Variants in OSBPL10 observed in about 807,000 individuals in gnomAD.
The protein encoded by OSBPL10 is oxysterol-binding protein-related protein 10.
Under a neutral mutation model 81.7 loss-of-function variants are expected in OSBPL10, and 49 were observed. That is an observed-to-expected ratio of 0.60 (90% CI 0.48 to 0.76). The LOEUF (loss-of-function observed/expected upper bound fraction) is 0.76. Among genes scored for constraint, OSBPL10 ranks in the 30% least tolerant of loss-of-function variants. The pLI, the probability that OSBPL10 is intolerant of heterozygous loss-of-function variation, is 0.00. For synonymous variants in OSBPL10, 419 were observed against 383.6 expected (o/e 1.09, Z -1.08); for missense variants, 923 against 987.8 (o/e 0.93, Z 0.88).
chr3:31,781,374 T>C (rs1033265110), intron 4 of OSBPL10, among the ~76,000 whole-genome samples: 1 of 152,130 alleles, frequency 6.6e-6, no homozygotes, highest in Non-Finnish European at 1.5e-5. Flanking sequence ...TGGGGGAAAG[T>C]TGAAAGCATT....
chr3:31,813,012 CAT>C (rs1699748841), intron 4 of OSBPL10, among the ~76,000 whole-genome samples: 2 of 152,088 alleles, frequency 1.3e-5, no homozygotes, highest in South Asian at 4.2e-4. Flanking sequence ...GCATAAGTCA[CAT>C]ATTATGTGTT....
chr3:31,874,749 G>A (rs1701408856), intron 3 of OSBPL10, among the ~76,000 whole-genome samples: 1 of 152,130 alleles, frequency 6.6e-6, no homozygotes, highest in African/African-American at 2.4e-5. Flanking sequence ...TACAGAACTG[G>A]TGGGAGTACA....
At chr3:31,732,500 C>G (rs535790754) in intron 6 of OSBPL10, 3 of 152,292 alleles carry the variant, frequency 2.0e-5, no homozygotes, top group Admixed American at 1.3e-4. Flanking sequence ...TTAAAGGAGG[C>G]CTCCGCCAGT....
intron 2 of OSBPL10, among the ~76,000 whole-genome samples, chr3:32,030,843 A>G (rs186320985): frequency 6.6e-6 from 1 of 152,344 alleles, no homozygotes; most frequent in African/African-American, 2.4e-5. Context: ...TACATGAAAT[A>G]TTTTGACAAG....
intron 2 of OSBPL10, among the ~76,000 whole-genome samples, chr3:32,005,167 G>A (rs960705034): frequency 1.3e-4 from 20 of 152,064 alleles, no homozygotes; most frequent in Non-Finnish European, 2.1e-4. Flanking sequence ...CCATCAACGC[G>A]TCATCTAGGT....
intron 1 of OSBPL10, among the ~76,000 whole-genome samples, chr3:31,970,346 C>T (rs1698524645): frequency 6.6e-6 from 1 of 152,186 alleles, no homozygotes; most frequent in Non-Finnish European, 1.5e-5. Context: ...TCATCCCAGT[C>T]ACCTCGAGGT....
intron 4 of OSBPL10, among the ~76,000 whole-genome samples, chr3:31,792,443 C>T (rs770139469): frequency 3.3e-5 from 5 of 152,142 alleles, no homozygotes; most frequent in Non-Finnish European, 2.9e-5. Flanking sequence ...ATGGTTCCCC[C>T]TCTCCCACTC....
rs1468118124 is a variant in OSBPL10 at position 31,906,818 on chromosome 3, T to C, written c.282-26988A>G. ...TACCTGGTGATAACAACTATGTTTTTAGATCATCCATGGCTAACAGAAAAC... is the reference window on the plus strand; with the variant it reads ...TACCTGGTGATAACAACTATGTTTTCAGATCATCCATGGCTAACAGAAAAC... On this transcript the variant is annotated intron_variant, in intron 1 of 11. Transcript: ENST00000396556. The C allele has an allele frequency of 2.6e-5, 4 of 152,256 alleles. No individual in the cohort carries two copies. In the East Asian group the frequency reaches 7.7e-4, roughly 29 times the overall value. The allele number at this position is 152,256 out of a possible 1,614,324, so 9.4% of individuals were successfully genotyped here.
chr3:31,893,253 TCATTTCACCAAAGAAGA>T (rs1204308342), intron 1 of OSBPL10, among the ~76,000 whole-genome samples: 5 of 152,124 alleles, frequency 3.3e-5, no homozygotes, highest in South Asian at 2.1e-4. Context: ...GCAAAATATT[TCATTTCACCAAAGAAGA>T]CATTTCACCA....
At chr3:31,718,908 C>G (rs1696543012) in intron 6 of OSBPL10, 2 of 152,106 alleles carry the variant, frequency 1.3e-5, no homozygotes, top group Admixed American at 1.3e-4. Flanking sequence ...AGGAGCAAGA[C>G]CAGCAAGAAA....
intron 4 of OSBPL10, among the ~76,000 whole-genome samples, chr3:31,796,515 C>G (rs562729490): frequency 6.6e-6 from 1 of 152,266 alleles, no homozygotes; most frequent in South Asian, 2.1e-4. Flanking sequence ...AACCAATCCC[C>G]TGTGGATACC....
At chr3:31,887,495 C>G (rs1695767806) in intron 1 of OSBPL10, among the ~76,000 whole-genome samples, 1 of 152,128 alleles carries the variant, frequency 6.6e-6, no homozygotes. Context: ...CTACACATCT[C>G]CAGGTGGGGC....
At chr3:31,783,146 T>TATATATATTATATATATATATACACAC (rs1485968747) in intron 4 of OSBPL10, among the ~76,000 whole-genome samples, 8 of 113,028 alleles carry the variant, frequency 7.1e-5, no homozygotes, top group Admixed American at 9.0e-5. Context: ...TATATATATA[T>TATATATATTATATATATATATACACAC]ACACACACAC....
At chr3:31,937,153 A>T (rs1301797653) in intron 1 of OSBPL10, among the ~76,000 whole-genome samples, 1 of 151,944 alleles carries the variant, frequency 6.6e-6, no homozygotes, top group Non-Finnish European at 1.5e-5. Flanking sequence ...GCATGGTGGC[A>T]TGTGCCTGTA....
intron 3 of OSBPL10, among the ~76,000 whole-genome samples, chr3:31,866,312 CAG>C (rs1198100118): frequency 1.3e-5 from 2 of 152,140 alleles, no homozygotes; most frequent in Non-Finnish European, 2.9e-5. Context: ...TGTCCCCAAA[CAG>C]GGGTGGTGTC....
chr3:31,942,048 G>A (rs1315935486), intron 1 of OSBPL10, among the ~76,000 whole-genome samples: 1 of 152,144 alleles, frequency 6.6e-6, no homozygotes, highest in Non-Finnish European at 1.5e-5. Context: ...GCCGAGGCGG[G>A]TGGATCACGA....
At chr3:32,013,350 T>C (rs1332362005) in intron 2 of OSBPL10, among the ~76,000 whole-genome samples, 1 of 152,066 alleles carries the variant, frequency 6.6e-6, no homozygotes, top group Non-Finnish European at 1.5e-5. Context: ...GGCTACTGCA[T>C]ACATAACGAA....
chr3:31,866,758 C>T (rs80282369), intron 3 of OSBPL10, among the ~76,000 whole-genome samples: 8,730 of 152,040 alleles, frequency 0.057, 780 homozygotes, highest in African/African-American at 0.2. Flanking sequence ...CCCCAGTGGA[C>T]GGGGGTAAGA....
intron 3 of OSBPL10, among the ~76,000 whole-genome samples, chr3:31,835,528 A>G (rs1376253850): frequency 6.6e-6 from 1 of 152,132 alleles, no homozygotes; most frequent in African/African-American, 2.4e-5. Flanking sequence ...TGATGTGAAA[A>G]ATTTCTGAGC....
Sources: allele counts gnomAD v4.1 joint callset (sites outside exome capture counted in the v4.1 genomes callset), GRCh38; gene constraint gnomAD v4.1.1; transcripts MANE v1.5; gene names NCBI Gene and HGNC (gene_info 2026-07-23, HGNC 2026-07-21).